TNR: variants seen among roughly 807,000 people sequenced by gnomAD.
The protein encoded by TNR is tenascin R, also known as tenascin-R.
TNR carries 45 observed loss-of-function variants against 150.4 expected under a neutral mutation model. The ratio of observed to expected loss-of-function variants is 0.30; its 90% CI spans 0.24 to 0.38. The LOEUF (loss-of-function observed/expected upper bound fraction) is 0.38. Among genes scored for constraint, TNR ranks in the 10% least tolerant of loss-of-function variants. TNR has a pLI of 1.00. For synonymous variants in TNR, 687 were observed against 678.4 expected (o/e 1.01, Z -0.20); for missense variants, 1,544 against 1,759.1 (o/e 0.88, Z 2.19).
At position 175,501,494 on chromosome 1, in the gene TNR, T is replaced by G. The variant is rs537340494; in HGVS notation, c.-64+26775A>C. On this transcript the variant is annotated intron_variant, in intron 2 of 22. Transcript: ENST00000367674. ...GAAACTGACCCAGCTGAAACATTGA[T>G]TGCAGCCTTGTGAGGCCTGGGCAGA... Among the ~76,000 whole-genome samples, 3 of 152,324 alleles carry G rather than the reference T, an allele frequency of 2.0e-5. No homozygotes were observed. The East Asian group carries it at 5.8e-4, about 29-fold the overall frequency.
At chr1:175,726,691 C>T (rs1056481538) in intron 1 of TNR, among the ~76,000 whole-genome samples, 1 of 152,062 alleles carries the variant, frequency 6.6e-6, no homozygotes, top group Non-Finnish European at 1.5e-5. Context: ...AAGACCAAAT[C>T]CAGGCCAATA....
intron 1 of TNR, among the ~76,000 whole-genome samples, chr1:175,739,258 G>T (rs932149745): frequency 2.0e-5 from 3 of 152,122 alleles, no homozygotes; most frequent in Admixed American, 6.5e-5. Context: ...ATGTAAATAG[G>T]TCTGTGACCT....
At chr1:175,500,303 C>T (rs1658677784) in intron 2 of TNR, among the ~76,000 whole-genome samples, 1 of 152,116 alleles carries the variant, frequency 6.6e-6, no homozygotes, top group Admixed American at 6.5e-5. Flanking sequence ...AAAAGTGGAG[C>T]TCAGGCCTTA....
At chr1:175,648,682 G>A (rs1664871990) in intron 1 of TNR, among the ~76,000 whole-genome samples, 1 of 152,070 alleles carries the variant, frequency 6.6e-6, no homozygotes, top group Non-Finnish European at 1.5e-5. Context: ...AGCAAACTCA[G>A]TCTTCTCCCA....
At chr1:175,726,645 C>T (rs1667487591) in intron 1 of TNR, among the ~76,000 whole-genome samples, 1 of 152,252 alleles carries the variant, frequency 6.6e-6, no homozygotes, top group African/African-American at 2.4e-5. Context: ...TCAGCAAATG[C>T]CTAGGCAAGA....
At chr1:175,642,942 A>G (rs1007400073) in intron 1 of TNR, among the ~76,000 whole-genome samples, 1 of 152,196 alleles carries the variant, frequency 6.6e-6, no homozygotes, top group African/African-American at 2.4e-5. Flanking sequence ...AAAACCATAT[A>G]TAAGAAATGC....
chr1:175,686,839 C>G (rs569297226), intron 1 of TNR, among the ~76,000 whole-genome samples: 2 of 152,258 alleles, frequency 1.3e-5, no homozygotes, highest in South Asian at 4.1e-4. Context: ...TTTATGGCTG[C>G]GTAGTATTCC....
intron 2 of TNR, among the ~76,000 whole-genome samples, chr1:175,450,946 G>A (rs1409842834): frequency 6.6e-6 from 1 of 152,166 alleles, no homozygotes; most frequent in Non-Finnish European, 1.5e-5. Context: ...TTCTCACACA[G>A]ATAAATTCAC....
intron 1 of TNR, among the ~76,000 whole-genome samples, chr1:175,674,613 C>A (rs1218217898): frequency 1.3e-5 from 2 of 152,132 alleles, no homozygotes; most frequent in East Asian, 1.9e-4. Flanking sequence ...GGCCAACCAA[C>A]CCCTTTGCTA....
intron 2 of TNR, among the ~76,000 whole-genome samples, chr1:175,436,895 C>T (rs7549521): frequency 0.015 from 2,242 of 152,234 alleles, 69 homozygotes; most frequent in African/African-American, 0.051. Flanking sequence ...TCCTTAGTGA[C>T]CTACAAAGAG....
At chr1:175,359,905 T>C (rs1355191445) in intron 14 of TNR, among the ~76,000 whole-genome samples, 174 bp from the exon 15 acceptor site, 2 of 152,158 alleles carry the variant, frequency 1.3e-5, no homozygotes, top group African/African-American at 4.8e-5. Context: ...GCCTCTTCCA[T>C]TTCTCCCTGC....
At chr1:175,331,054 T>TTTCTTTCC (rs1571298801) in intron 20 of TNR, among the ~76,000 whole-genome samples, 3 of 105,724 alleles carry the variant, frequency 2.8e-5, no homozygotes, top group African/African-American at 1.2e-4. Context: ...TCTTTCTTTC[T>TTTCTTTCC]TTCTTTCTTT....
chr1:175,330,030 C>A (rs775411503), intron 21 of TNR, 44 bp downstream of exon 21: 2 of 1,461,512 alleles, frequency 1.4e-6, no homozygotes, highest in Admixed American at 2.1e-5. Context: ...GGGCTCTTGT[C>A]CCATGCCCAC....
intron 1 of TNR, among the ~76,000 whole-genome samples, chr1:175,561,331 T>C (rs1661417438): frequency 6.6e-6 from 1 of 152,166 alleles, no homozygotes; most frequent in Admixed American, 6.5e-5. Flanking sequence ...CTTGTCTGCT[T>C]CTGAAGGAGA....
chr1:175,356,827 C>T (rs975507464), intron 15 of TNR, among the ~76,000 whole-genome samples: 1 of 152,184 alleles, frequency 6.6e-6, no homozygotes, highest in Non-Finnish European at 1.5e-5. Flanking sequence ...CTTCCCATCA[C>T]ATTTATGTGA....
chr1:175,607,123 C>T (rs1331272170), intron 1 of TNR, among the ~76,000 whole-genome samples: 3 of 152,102 alleles, frequency 2.0e-5, no homozygotes, highest in East Asian at 3.8e-4. Flanking sequence ...TCCATCTATC[C>T]CATTTCTTTC....
intron 2 of TNR, among the ~76,000 whole-genome samples, chr1:175,501,793 C>T (rs1658750568): frequency 6.6e-6 from 1 of 152,164 alleles, no homozygotes; most frequent in Admixed American, 6.5e-5. Context: ...GATATATTGG[C>T]CCATTCATCC....
chr1:175,526,582 C>A (rs1158538823), intron 2 of TNR, among the ~76,000 whole-genome samples: 1 of 152,336 alleles, frequency 6.6e-6, no homozygotes, highest in Non-Finnish European at 1.5e-5. Flanking sequence ...GGGAGCTCAA[C>A]TCCCCAAATA....
At chr1:175,653,531 G>A (rs1260064010) in intron 1 of TNR, among the ~76,000 whole-genome samples, 2 of 152,170 alleles carry the variant, frequency 1.3e-5, no homozygotes, top group African/African-American at 2.4e-5. Flanking sequence ...GGGAAGTCAG[G>A]GAAAATGAAG....
Sources: gnomAD v4.1 joint callset for allele counts (sites outside exome capture counted in the v4.1 genomes callset) on GRCh38, gnomAD v4.1.1 for gene constraint, MANE v1.5 for transcripts, NCBI Gene and HGNC (gene_info 2026-07-23, HGNC 2026-07-21) for gene names.